Variants in TTLL5 observed in about 807,000 individuals in gnomAD.
TTLL5 encodes tubulin polyglutamylase TTLL5.
Under a neutral mutation model 168.4 loss-of-function variants are expected in TTLL5, and 132 were observed. That is an observed-to-expected ratio of 0.78 (90% CI 0.68 to 0.91). The LOEUF (loss-of-function observed/expected upper bound fraction) is 0.91. Among genes scored for constraint, TTLL5 ranks in the 40% least tolerant of loss-of-function variants. The pLI, the probability that TTLL5 is intolerant of heterozygous loss-of-function variation, is 0.00. For missense variants in TTLL5, 1,545 were observed against 1,581.5 expected (o/e 0.98, Z 0.39); for synonymous variants, 546 against 558.6 (o/e 0.98, Z 0.32).
chr14:75,750,393 T>A (rs903572458), intron 17 of TTLL5, among the ~76,000 whole-genome samples: 8 of 151,498 alleles, frequency 5.3e-5, no homozygotes, highest in Admixed American at 4.0e-4. Context: ...TACCAAACAG[T>A]TGACCCTTAA....
chr14:75,712,096 G>C (rs1477189752), intron 9 of TTLL5: 1 of 152,134 alleles, frequency 6.6e-6, no homozygotes, highest in African/African-American at 2.4e-5. Context: ...CCTCCCAGAC[G>C]GCTCTGTAGG....
intron 24 of TTLL5, among the ~76,000 whole-genome samples, chr14:75,781,624 A>G (rs774200427): frequency 3.9e-5 from 6 of 152,178 alleles, no homozygotes; most frequent in Admixed American, 6.5e-5. Context: ...GAGTGATACT[A>G]TTATTGAATA....
At chr14:75,663,270 A>T in intron 2 of TTLL5, 47 bp downstream of exon 2, 1 of 1,521,638 alleles carries the variant, frequency 6.6e-7, no homozygotes, top group Non-Finnish European at 9.0e-7. Flanking sequence ...GTACTCTTTC[A>T]CTTATATACT....
chr14:75,933,645 T>C (rs958123879), intron 31 of TTLL5, among the ~76,000 whole-genome samples: 1 of 152,230 alleles, frequency 6.6e-6, no homozygotes, highest in African/African-American at 2.4e-5. Flanking sequence ...GGCAAGCTTC[T>C]TTCCACTTAA....
chr14:75,793,185 C>A, intron 27 of TTLL5, 85 bp downstream of exon 27: 1 of 1,322,076 alleles, frequency 7.6e-7, no homozygotes, highest in Non-Finnish European at 1.0e-6. Flanking sequence ...CCTGTCTTTA[C>A]TATTCCCATA....
chr14:75,924,059 C>CTTTTTTTTTTTTTTTTTTTTTT, intron 31 of TTLL5, among the ~76,000 whole-genome samples: 1 of 95,370 alleles, frequency 1.0e-5, no homozygotes, highest in Admixed American at 1.0e-4. Context: ...TTTTTTTTTG[C>CTTTTTTTTTTTTTTTTTTTTTT]TTTCCATTTG....
intron 12 of TTLL5, 43 bp downstream of exon 12, chr14:75,720,746 C>A: frequency 6.5e-7 from 1 of 1,545,928 alleles, no homozygotes; most frequent in Non-Finnish European, 8.9e-7. Context: ...TGAAGAGGAT[C>A]TTGGGAAGTT....
chr14:75,735,971 A>AT lies in TTLL5; in HGVS notation c.1281+682_1281+683insT, dbSNP rs200434170. Among the ~76,000 whole-genome samples, 1,232 of 152,260 alleles carry AT rather than the reference A, an allele frequency of 8.1e-3. 8 individuals are homozygous for AT. The highest frequency in any genetic ancestry group is 0.026 in the African/African-American group (1,081 of 41,560). ...TAACATTTCTTCTTATTTAAAAAAAAATCCACTTTGCTCTTCTCTTCCCAT... is the reference window on the plus strand; with the variant it reads ...TAACATTTCTTCTTATTTAAAAAAAATATCCACTTTGCTCTTCTCTTCCCAT... On this transcript the variant is annotated intron_variant, in intron 15 of 31. Transcript: ENST00000298832.
chr14:75,807,064 C>T (rs1893698643), intron 27 of TTLL5, among the ~76,000 whole-genome samples: 1 of 152,168 alleles, frequency 6.6e-6, no homozygotes, highest in Non-Finnish European at 1.5e-5. Flanking sequence ...CATCACCTAG[C>T]GCAAGGCCTT....
intron 27 of TTLL5, among the ~76,000 whole-genome samples, chr14:75,817,470 A>T (rs1050923324): frequency 7.9e-5 from 12 of 152,132 alleles, no homozygotes; most frequent in African/African-American, 2.9e-4. Flanking sequence ...CAAGAAAATT[A>T]TTTTTAGTCC....
intron 31 of TTLL5, among the ~76,000 whole-genome samples, chr14:75,939,036 C>T (rs113482695): frequency 2.2e-3 from 336 of 152,320 alleles, no homozygotes; most frequent in Non-Finnish European, 3.2e-3. Flanking sequence ...ACTCTGCCTT[C>T]AGTAACTTTG....
Position 75,916,203 on chromosome 14 carries a change from G to GAGGGAGGGAAGAAGGGA in TTLL5, c.3823+13987_3823+14003dup, listed in dbSNP as rs373660572. ...AAGGAAAGAAGGGAAGGAAGGGAGGGAGGGAGGGAAGAAGGGAAGGGAGGA... is the reference window on the plus strand; with the variant it reads ...AAGGAAAGAAGGGAAGGAAGGGAGGGAGGGAGGGAAGAAGGGAAGGGAGGGAAGAAGGGAAGGGAGGA... On this transcript the variant is annotated intron_variant, in intron 31 of 31. Transcript: ENST00000298832. Among the ~76,000 whole-genome samples, 577 of 145,884 alleles carry GAGGGAGGGAAGAAGGGA rather than the reference G, an allele frequency of 4.0e-3. 2 individuals carry two copies. Among genetic ancestry groups the GAGGGAGGGAAGAAGGGA allele is most frequent in the African/African-American group, 0.014 (541 of 39,926 alleles).
In TTLL5 at chr14:75,707,107, T is replaced by G. The variant is rs762213780; in HGVS notation, c.655+20T>G. 40 of 1,602,964 alleles carry G rather than the reference T, an allele frequency of 2.5e-5. No homozygotes were observed. In the South Asian group the frequency reaches 4.3e-4, roughly 17 times the overall value. On this transcript the variant is annotated intron_variant, in intron 8 of 31. Transcript: ENST00000298832. ...TAGATGGTGAGTTGTGATTAGGCCC[T>G]TGACCAAATTGGGCCAGATTTTTGC...
At chr14:75,924,509 C>T (rs1290527869) in intron 31 of TTLL5, among the ~76,000 whole-genome samples, 2 of 151,888 alleles carry the variant, frequency 1.3e-5, no homozygotes, top group African/African-American at 4.9e-5. Flanking sequence ...TGCCTTCAAG[C>T]ATCTGTTTAA....
At chr14:75,848,572 T>C (rs1451122427) in intron 28 of TTLL5, among the ~76,000 whole-genome samples, 1 of 150,544 alleles carries the variant, frequency 6.6e-6, no homozygotes, top group Non-Finnish European at 1.5e-5. Context: ...GAGTTCTCCT[T>C]TGGCTTTCTT....
rs573892353 is a variant in TTLL5, at chr14:75,668,188, G to A, written c.75-1228G>A. Among the ~76,000 whole-genome samples, 3 of 152,246 alleles carry A rather than the reference G, an allele frequency of 2.0e-5. No individual in the cohort carries two copies. The South Asian group carries it at 6.2e-4, about 32-fold the overall frequency. On this transcript the variant is annotated intron_variant, in intron 2 of 31. Transcript: ENST00000298832. ...CGAGTGAATCTTGGCCAAGTGGATT[G>A]TATTGCATTTAAGGAATTATCAGTT...
intron 27 of TTLL5, among the ~76,000 whole-genome samples, chr14:75,811,156 A>AGAGTGTGTGTATGTGT (rs60194482): frequency 8.6e-6 from 1 of 116,532 alleles, no homozygotes; most frequent in Non-Finnish European, 1.7e-5. Context: ...TGAAAGAAAG[A>AGAGTGTGTGTATGTGT]GTGTGTGTGT....
At chr14:75,816,974 A>T (rs112509542) in intron 27 of TTLL5, among the ~76,000 whole-genome samples, 237 of 95,984 alleles carry the variant, frequency 2.5e-3, no homozygotes, top group African/African-American at 3.7e-3. Flanking sequence ...TCCCTGTCTT[A>T]TTTTTTTTTT....
rs550947688 is a variant in TTLL5, at chr14:75,872,248, C to T, written c.3522+8386C>T. Among the ~76,000 whole-genome samples, 54 of 152,200 alleles carry T rather than the reference C, an allele frequency of 3.5e-4. 1 individual carries two copies. The South Asian group carries it at 0.01, about 29-fold the overall frequency. On this transcript the variant is annotated intron_variant, in intron 29 of 31. Transcript: ENST00000298832. ...TTTCCTTCTCAAGAAAGAGAATGATCTTGGAGCAAGGTGAATGAAATTTGT... is the reference window on the plus strand; with the variant it reads ...TTTCCTTCTCAAGAAAGAGAATGATTTTGGAGCAAGGTGAATGAAATTTGT...
Sources: allele counts gnomAD v4.1 joint callset (sites outside exome capture counted in the v4.1 genomes callset), GRCh38; gene constraint gnomAD v4.1.1; transcripts MANE v1.5; gene names NCBI Gene and HGNC (gene_info 2026-07-23, HGNC 2026-07-21).